The following NPAS3 variants were observed in gnomAD, a reference collection of about 807,000 sequenced individuals.
The protein encoded by NPAS3 is neuronal PAS domain protein 3, also known as neuronal PAS domain-containing protein 3.
NPAS3 carries 14 observed loss-of-function variants against 73.1 expected under a neutral mutation model. That is an observed-to-expected ratio of 0.19 (90% CI 0.13 to 0.30). The LOEUF (loss-of-function observed/expected upper bound fraction) is 0.30. Ranked by LOEUF, NPAS3 falls within the 10% of genes least tolerant of loss-of-function variation. NPAS3 has a pLI of 1.00. For missense variants in NPAS3, 1,096 were observed against 1,250.0 expected (o/e 0.88, Z 1.86); for synonymous variants, 620 against 541.5 (o/e 1.14, Z -2.01).
chr14:33,062,522 G>T (rs183020564), intron 2 of NPAS3, among the ~76,000 whole-genome samples: 1 of 152,124 alleles, frequency 6.6e-6, no homozygotes, highest in Non-Finnish European at 1.5e-5. Flanking sequence ...ATGGATAGGC[G>T]CAGGCAGCAT....
At chr14:33,166,398 G>C (rs915906524) in intron 2 of NPAS3, among the ~76,000 whole-genome samples, 11 of 151,950 alleles carry the variant, frequency 7.2e-5, no homozygotes, top group African/African-American at 2.7e-4. Context: ...TCTTCCCTTT[G>C]TATGTCCCTC....
chr14:33,400,442 G>A (rs1304295252), intron 4 of NPAS3, among the ~76,000 whole-genome samples: 1 of 152,092 alleles, frequency 6.6e-6, no homozygotes, highest in East Asian at 1.9e-4. Flanking sequence ...AAATTTTCTG[G>A]CACTTTATGG....
At chr14:33,455,771 G>T (rs909337155) in intron 4 of NPAS3, among the ~76,000 whole-genome samples, 2 of 152,202 alleles carry the variant, frequency 1.3e-5, no homozygotes. Context: ...TGATTAAACA[G>T]GATGTTAACG....
At chr14:33,602,058 CCT>C (rs2057414742) in intron 5 of NPAS3, among the ~76,000 whole-genome samples, 1 of 152,158 alleles carries the variant, frequency 6.6e-6, no homozygotes. Flanking sequence ...TGGAGGACCC[CCT>C]GAGTTGAGAA....
At chr14:33,487,021 A>C (rs2051638818) in intron 4 of NPAS3, among the ~76,000 whole-genome samples, 1 of 152,130 alleles carries the variant, frequency 6.6e-6, no homozygotes, top group African/African-American at 2.4e-5. Context: ...AGAAAAGTCA[A>C]ACTCTCCCCA....
intron 4 of NPAS3, among the ~76,000 whole-genome samples, chr14:33,503,682 G>T (rs1480506510): frequency 1.3e-5 from 2 of 151,924 alleles, no homozygotes. Flanking sequence ...ATGTTCTAGA[G>T]AGCTTGATGA....
chr14:33,480,849 T>TTGACAGTG (rs2051292393), intron 4 of NPAS3, among the ~76,000 whole-genome samples: 1 of 152,056 alleles, frequency 6.6e-6, no homozygotes, highest in Admixed American at 6.6e-5. Context: ...GTGATGCTTA[T>TTGACAGTG]ACTGAGTAAG....
chr14:33,267,882 A>C (rs144501859), intron 3 of NPAS3, among the ~76,000 whole-genome samples: 45 of 152,262 alleles, frequency 3.0e-4, no homozygotes, highest in Non-Finnish European at 5.4e-4. Context: ...CTCTGCTCCT[A>C]CATAGTGAAG....
At chr14:33,689,635 C>T (rs911986704) in intron 6 of NPAS3, among the ~76,000 whole-genome samples, 1 of 152,184 alleles carries the variant, frequency 6.6e-6, no homozygotes, top group East Asian at 1.9e-4. Context: ...TACACACATA[C>T]ACCCTACATG....
At chr14:33,712,801 T>A (rs758857525) in intron 6 of NPAS3, among the ~76,000 whole-genome samples, 5 of 152,178 alleles carry the variant, frequency 3.3e-5, no homozygotes, top group Non-Finnish European at 5.9e-5. Flanking sequence ...CAGTGGGCAG[T>A]GCAGGCCATG....
intron 2 of NPAS3, among the ~76,000 whole-genome samples, chr14:33,103,272 C>A (rs2042630095): frequency 6.6e-6 from 1 of 152,150 alleles, no homozygotes; most frequent in Non-Finnish European, 1.5e-5. Context: ...TTCCCAAGAG[C>A]TTTGGTGGTC....
chr14:33,380,002 G>GTGTGTGTA (rs2046473414), intron 4 of NPAS3, among the ~76,000 whole-genome samples: 1 of 151,340 alleles, frequency 6.6e-6, no homozygotes, highest in Non-Finnish European at 1.5e-5. Flanking sequence ...GTGTGTGTGT[G>GTGTGTGTA]TGTGTGTGTA....
intron 5 of NPAS3, among the ~76,000 whole-genome samples, chr14:33,616,241 G>A (rs1028992770): frequency 8.5e-5 from 13 of 152,306 alleles, no homozygotes; most frequent in Admixed American, 4.6e-4. Flanking sequence ...GCATTCTGTC[G>A]AGGCCACCAA....
At chr14:33,368,322 A>AAG in intron 4 of NPAS3, among the ~76,000 whole-genome samples, 1 of 151,952 alleles carries the variant, frequency 6.6e-6, no homozygotes, top group East Asian at 1.9e-4. Context: ...AAAAAAAAAA[A>AAG]AAGAAGAAAA....
chr14:33,034,270 A>G (rs1006568700), intron 1 of NPAS3, among the ~76,000 whole-genome samples: 9 of 151,956 alleles, frequency 5.9e-5, no homozygotes, highest in Non-Finnish European at 1.2e-4. Flanking sequence ...TTAAATTTAT[A>G]AAAACATTTT....
At chr14:33,349,936 A>G (rs2044951823) in intron 3 of NPAS3, among the ~76,000 whole-genome samples, 1 of 152,224 alleles carries the variant, frequency 6.6e-6, no homozygotes, top group African/African-American at 2.4e-5. Flanking sequence ...CCACTTCGGT[A>G]CAGAAATCTC....
intron 5 of NPAS3, among the ~76,000 whole-genome samples, chr14:33,576,610 A>C (rs2056444327): frequency 6.6e-6 from 1 of 152,180 alleles, no homozygotes; most frequent in South Asian, 2.1e-4. Flanking sequence ...CTCAATAAAT[A>C]AAACAAAAAA....
At chr14:33,236,278 A>G (rs997986463) in intron 3 of NPAS3, among the ~76,000 whole-genome samples, 1 of 151,954 alleles carries the variant, frequency 6.6e-6, no homozygotes, top group African/African-American at 2.4e-5. Flanking sequence ...ATTTTGTTTC[A>G]CCTCAAGCTC....
intron 5 of NPAS3, among the ~76,000 whole-genome samples, chr14:33,621,023 A>C (rs1287492202): frequency 6.6e-6 from 1 of 152,162 alleles, no homozygotes; most frequent in African/African-American, 2.4e-5. Context: ...CATTTAAATG[A>C]CTAGGTAACG....
Sources: gnomAD v4.1 joint callset for allele counts (sites outside exome capture counted in the v4.1 genomes callset) on GRCh38, gnomAD v4.1.1 for gene constraint, MANE v1.5 for transcripts, NCBI Gene and HGNC (gene_info 2026-07-23, HGNC 2026-07-21) for gene names.